Variants in SLC24A2 observed in about 807,000 individuals in gnomAD.
SLC24A2 encodes sodium/potassium/calcium exchanger 2.
In SLC24A2, 36 loss-of-function variants were observed where a neutral mutation model predicts 62.0. That is an observed-to-expected ratio of 0.58 (90% CI 0.44 to 0.77). The LOEUF is 0.77. Ranked by LOEUF, SLC24A2 falls within the 30% of genes least tolerant of loss-of-function variation. The pLI, the probability that SLC24A2 is intolerant of heterozygous loss-of-function variation, is 0.00. For synonymous variants in SLC24A2, 358 were observed against 294.0 expected (o/e 1.22, Z -2.23); for missense variants, 846 against 817.9 (o/e 1.03, Z -0.42).
intron 5 of SLC24A2, among the ~76,000 whole-genome samples, chr9:19,582,632 C>A (rs7862398): frequency 6.6e-6 from 1 of 151,978 alleles, no homozygotes; most frequent in African/African-American, 2.4e-5. Flanking sequence ...TTATGGCTTG[C>A]CAGGTAGCTT....
chr9:20,145,456 C>T, the SLC24A2 span, among the ~76,000 whole-genome samples: 1 of 152,120 alleles, frequency 6.6e-6, no homozygotes, highest in African/African-American at 2.4e-5. Flanking sequence ...AGTCATCGAT[C>T]TCAACAGTGA....
At chr9:19,674,688 G>A (rs1487200120) in intron 2 of SLC24A2, among the ~76,000 whole-genome samples, 1 of 152,156 alleles carries the variant, frequency 6.6e-6, no homozygotes, top group Non-Finnish European at 1.5e-5. Context: ...ATTTCTCTAA[G>A]TGTGTCCTTC....
chr9:19,837,858 C>A, the SLC24A2 span, among the ~76,000 whole-genome samples: 1 of 151,942 alleles, frequency 6.6e-6, no homozygotes, highest in Non-Finnish European at 1.5e-5. Flanking sequence ...ATCCAACTTA[C>A]AAGGGACGTG....
the SLC24A2 span, among the ~76,000 whole-genome samples, chr9:19,995,523 AC>A: frequency 6.6e-6 from 1 of 152,226 alleles, no homozygotes; most frequent in Non-Finnish European, 1.5e-5. Flanking sequence ...TCATAAGAAC[AC>A]TAGATATTTT....
chr9:20,295,140 GTCAAAATCCCTAAAGA>G, the SLC24A2 span, among the ~76,000 whole-genome samples: 1 of 151,758 alleles, frequency 6.6e-6, no homozygotes, highest in Non-Finnish European at 1.5e-5. Flanking sequence ...AATCCAGAAT[GTCAAAATCCCTAAAGA>G]TCAAAATCCC....
the SLC24A2 span, among the ~76,000 whole-genome samples, chr9:20,164,598 T>C: frequency 1.3e-5 from 2 of 150,954 alleles, no homozygotes; most frequent in African/African-American, 4.9e-5. Context: ...GATCTAGAAC[T>C]AGAAATACCA....
intron 7 of SLC24A2, among the ~76,000 whole-genome samples, chr9:19,558,125 T>A (rs753328040): frequency 6.6e-6 from 1 of 152,166 alleles, no homozygotes; most frequent in Non-Finnish European, 1.5e-5. Flanking sequence ...AAAAAGCTGA[T>A]AAGAAACATC....
chr9:20,037,968 C>T, the SLC24A2 span, among the ~76,000 whole-genome samples: 4 of 152,208 alleles, frequency 2.6e-5, no homozygotes, highest in Admixed American at 6.5e-5. Context: ...AATATTATCA[C>T]TTCAAAAGTT....
intron 2 of SLC24A2, among the ~76,000 whole-genome samples, chr9:19,698,121 T>C (rs1820246063): frequency 6.6e-6 from 1 of 152,186 alleles, no homozygotes. Flanking sequence ...CTAATACAGG[T>C]TGAGCATCCC....
At chr9:20,076,531 G>A in the SLC24A2 span, among the ~76,000 whole-genome samples, 2 of 152,138 alleles carry the variant, frequency 1.3e-5, no homozygotes, top group Admixed American at 6.6e-5. Context: ...GCTGGGAAGA[G>A]GCAAGAAAGA....
chr9:19,773,927 G>A (rs1822766094), intron 2 of SLC24A2, among the ~76,000 whole-genome samples: 1 of 152,202 alleles, frequency 6.6e-6, no homozygotes, highest in Non-Finnish European at 1.5e-5. Flanking sequence ...TTAATCCTCT[G>A]CAAGAATAAA....
chr9:20,294,789 G>A, the SLC24A2 span, among the ~76,000 whole-genome samples: 5 of 152,050 alleles, frequency 3.3e-5, no homozygotes, highest in African/African-American at 4.8e-5. Context: ...ACAAGTGCAC[G>A]TTGGTGACAG....
chr9:19,724,227 T>A (rs1314212237), intron 2 of SLC24A2, among the ~76,000 whole-genome samples: 1 of 152,186 alleles, frequency 6.6e-6, no homozygotes, highest in Non-Finnish European at 1.5e-5. Flanking sequence ...GTTTGGTGGA[T>A]ACAGAATCAT....
chr9:19,543,015 C>A (rs553360576), intron 8 of SLC24A2, among the ~76,000 whole-genome samples: 2 of 152,126 alleles, frequency 1.3e-5, no homozygotes, highest in Non-Finnish European at 2.9e-5. Context: ...GGAATGGTAC[C>A]AGCTCCTCTT....
intron 7 of SLC24A2, among the ~76,000 whole-genome samples, chr9:19,569,260 A>T (rs1835768897): frequency 1.3e-5 from 2 of 152,246 alleles, no homozygotes; most frequent in African/African-American, 4.8e-5. Flanking sequence ...GGTCGTACAG[A>T]AACAGGCTGC....
chr9:20,288,741 C>CAAAAAA, the SLC24A2 span, among the ~76,000 whole-genome samples: 1 of 79,238 alleles, frequency 1.3e-5, no homozygotes, highest in Non-Finnish European at 3.2e-5. Flanking sequence ...GACTCTGTCT[C>CAAAAAA]AAAAAAAAAA....
At chr9:19,782,346 A>G (rs953246184) in intron 2 of SLC24A2, among the ~76,000 whole-genome samples, 1 of 152,222 alleles carries the variant, frequency 6.6e-6, no homozygotes, top group Non-Finnish European at 1.5e-5. Flanking sequence ...AAACATCTAT[A>G]AATAAAAATA....
intron 8 of SLC24A2, among the ~76,000 whole-genome samples, chr9:19,539,305 A>G (rs1172996796): frequency 4.3e-5 from 5 of 117,042 alleles, no homozygotes; most frequent in Non-Finnish European, 8.9e-5. Flanking sequence ...TTAGGGTGTC[A>G]ATTTTGGATC....
the SLC24A2 span, among the ~76,000 whole-genome samples, chr9:19,924,032 C>A: frequency 1.3e-5 from 2 of 152,184 alleles, no homozygotes; most frequent in Non-Finnish European, 2.9e-5. Flanking sequence ...TGGATCATTT[C>A]TAAAGGGAAG....
Sources: allele counts gnomAD v4.1 joint callset (sites outside exome capture counted in the v4.1 genomes callset), GRCh38; gene constraint gnomAD v4.1.1; transcripts MANE v1.5; gene names NCBI Gene and HGNC (gene_info 2026-07-23, HGNC 2026-07-21).